MAN1C1: variants seen among roughly 807,000 people sequenced by gnomAD.
The protein encoded by MAN1C1 is mannosidase alpha class 1C member 1.
A neutral mutation model predicts 71.5 loss-of-function variants in MAN1C1; 49 were observed. The ratio of observed to expected loss-of-function variants is 0.69; its 90% confidence interval spans 0.54 to 0.87. The LOEUF (loss-of-function observed/expected upper bound fraction) is 0.87, where lower values mean the gene tolerates loss of function less well. MAN1C1 is among the 40% of genes least tolerant of loss of function. MAN1C1 has a pLI of 0.00. For missense variants in MAN1C1, 743 were observed against 835.0 expected (o/e 0.89, Z 1.36); for synonymous variants, 352 against 343.7 (o/e 1.02, Z -0.27).
chr1:25,637,882 G>A (rs1199707653), intron 1 of MAN1C1, among the ~76,000 whole-genome samples: 1 of 140,692 alleles, frequency 7.1e-6, no homozygotes, highest in Non-Finnish European at 1.5e-5. Flanking sequence ...ATTAGTGTTT[G>A]TATGGTAGAA....
chr1:25,705,514 G>A (rs1340131217), intron 2 of MAN1C1, among the ~76,000 whole-genome samples: 1 of 152,224 alleles, frequency 6.6e-6, no homozygotes, highest in African/African-American at 2.4e-5. Flanking sequence ...GCCAATCTAA[G>A]CACTGGTGAG....
At chr1:25,719,824 C>T (rs2046739599) in intron 2 of MAN1C1, among the ~76,000 whole-genome samples, 1 of 152,168 alleles carries the variant, frequency 6.6e-6, no homozygotes, top group African/African-American at 2.4e-5. Context: ...CACTCTGTCA[C>T]CTAGGCTGGA....
chr1:25,732,122 G>A (rs3014695), intron 2 of MAN1C1, among the ~76,000 whole-genome samples: 5,282 of 152,210 alleles, frequency 0.035, 310 homozygotes, highest in African/African-American at 0.12. Context: ...TCCTGCAGAG[G>A]GTGCCCAGGC....
chr1:25,724,989 G>T (rs1428019595), intron 2 of MAN1C1, among the ~76,000 whole-genome samples: 1 of 152,126 alleles, frequency 6.6e-6, no homozygotes, highest in Non-Finnish European at 1.5e-5. Context: ...TTATTTTCTT[G>T]CTCTCACCTC....
At chr1:25,691,291 T>C (rs1181602712) in intron 2 of MAN1C1, among the ~76,000 whole-genome samples, 1 of 152,200 alleles carries the variant, frequency 6.6e-6, no homozygotes, top group Non-Finnish European at 1.5e-5. Context: ...CCCTCCAGCC[T>C]GGGCAACAGA....
At chr1:25,774,898 C>T (rs1294101905) in intron 8 of MAN1C1, among the ~76,000 whole-genome samples, 1 of 151,620 alleles carries the variant, frequency 6.6e-6, no homozygotes, top group Non-Finnish European at 1.5e-5. Flanking sequence ...AACCTTTTAC[C>T]AGTCGTCTGC....
At chr1:25,647,251 T>C (rs1401038019) in intron 1 of MAN1C1, among the ~76,000 whole-genome samples, 1 of 152,104 alleles carries the variant, frequency 6.6e-6, no homozygotes, top group Non-Finnish European at 1.5e-5. Context: ...CTGAGCCCTC[T>C]CCAGTTTTTT....
intron 5 of MAN1C1, among the ~76,000 whole-genome samples, chr1:25,755,371 C>T (rs542852527): frequency 6.6e-6 from 1 of 152,352 alleles, no homozygotes; most frequent in East Asian, 1.9e-4. Context: ...CATGCAGACA[C>T]TCTCCTGCCA....
chr1:25,707,838 G>T (rs1055725760), intron 2 of MAN1C1, among the ~76,000 whole-genome samples: 2 of 152,220 alleles, frequency 1.3e-5, no homozygotes, highest in Admixed American at 1.3e-4. Flanking sequence ...TAGAAAGGAA[G>T]GGCCTGTAGC....
chr1:25,734,999 G>A lies in MAN1C1; in HGVS notation c.638-11669G>A, dbSNP rs181806462. Among the ~76,000 whole-genome samples the A allele has an allele frequency of 2.0e-5, 3 of 152,376 alleles. No individual in the cohort carries two copies. In the East Asian group the frequency reaches 5.8e-4, roughly 29 times the overall value. On this transcript the variant is annotated intron_variant, in intron 2 of 11. Transcript: ENST00000374332. ...GGATTGAGACGTGTGGGGACATTGT[G>A]TGTTAGAAGAGGGCATGCCAGGTAG...
chr1:25,633,318 TAG>T (rs947427434), intron 1 of MAN1C1, among the ~76,000 whole-genome samples: 1 of 152,232 alleles, frequency 6.6e-6, no homozygotes. Flanking sequence ...CCATTTTTTC[TAG>T]AGTGTAGTTT....
At chr1:25,675,655 A>G (rs1279503663) in intron 1 of MAN1C1, among the ~76,000 whole-genome samples, 3 of 150,800 alleles carry the variant, frequency 2.0e-5, no homozygotes, top group Non-Finnish European at 4.4e-5. Flanking sequence ...TTAGTTCTTT[A>G]AGGAATCTCC....
chr1:25,665,202 T>C (rs982509801), intron 1 of MAN1C1, among the ~76,000 whole-genome samples: 1 of 152,242 alleles, frequency 6.6e-6, no homozygotes, highest in Admixed American at 6.5e-5. Flanking sequence ...TGGAATGGAC[T>C]ATCAATGTTA....
At chr1:25,733,773 TTTTG>T (rs2046942169) in intron 2 of MAN1C1, among the ~76,000 whole-genome samples, 1 of 152,066 alleles carries the variant, frequency 6.6e-6, no homozygotes, top group Non-Finnish European at 1.5e-5. Flanking sequence ...TGAGTTTTTA[TTTTG>T]TTTATTTATT....
chr1:25,659,735 GTTGTT>G (rs1242435347), intron 1 of MAN1C1, among the ~76,000 whole-genome samples: 1 of 152,156 alleles, frequency 6.6e-6, no homozygotes, highest in African/African-American at 2.4e-5. Context: ...CTGAGAGCCA[GTTGTT>G]AAATTTTCAG....
intron 2 of MAN1C1, among the ~76,000 whole-genome samples, chr1:25,712,748 G>C (rs1233880107): frequency 1.3e-5 from 2 of 152,172 alleles, no homozygotes; most frequent in African/African-American, 4.8e-5. Context: ...AGTGCCCTGG[G>C]GTGACTTTCA....
intron 1 of MAN1C1, among the ~76,000 whole-genome samples, chr1:25,667,833 C>T (rs935177514): frequency 2.6e-5 from 4 of 152,178 alleles, no homozygotes; most frequent in Non-Finnish European, 5.9e-5. Context: ...AGTGCCACCA[C>T]ACATCACCCA....
At chr1:25,756,098 C>T (rs1425851191) in intron 5 of MAN1C1, among the ~76,000 whole-genome samples, 1 of 152,242 alleles carries the variant, frequency 6.6e-6, no homozygotes, top group Admixed American at 6.5e-5. Context: ...ACCACCAGAA[C>T]CACCTGGCAC....
rs951971904 is a variant in MAN1C1 at position 25,746,484 on chromosome 1, G to A, written c.638-184G>A. ...CCTTGAGGAGGAAGCAGCCCATGGC[G>A]GGGACTCTGGGTCTCGGCGTCACCT... On this transcript the variant is annotated intron_variant, in intron 2 of 11. Coordinates refer to ENST00000374332, the MANE Select transcript of MAN1C1 (RefSeq NM_020379.4). The surrounding 1 kb of genome is among the most constrained non-coding windows in gnomAD (Gnocchi z 4.0). Among the ~76,000 whole-genome samples the A allele has an allele frequency of 3.0e-4, 46 of 152,172 alleles. No homozygotes were observed. Among genetic ancestry groups the A allele is most frequent in the African/African-American group, 1.1e-3 (45 of 41,446 alleles).
Sources: gnomAD v4.1 joint callset for allele counts (sites outside exome capture counted in the v4.1 genomes callset) on GRCh38, gnomAD v4.1.1 for gene constraint, Gnocchi (gnomAD v3.1) non-coding constraint, MANE v1.5 for transcripts, NCBI Gene and HGNC (gene_info 2026-07-23, HGNC 2026-07-21) for gene names.